PCDHA9: variants seen among roughly 807,000 people sequenced by gnomAD.
The protein encoded by PCDHA9 is protocadherin alpha 9, also known as protocadherin alpha-9.
In PCDHA9, 62 loss-of-function variants were observed where a neutral mutation model predicts 62.0. The ratio of observed to expected loss-of-function variants is 1.00; its 90% CI spans 0.81 to 1.23. The LOEUF is 1.23. Among genes scored for constraint, PCDHA9 ranks in the 50% most tolerant of loss-of-function variants. The probability of loss-of-function intolerance (pLI) is 0.00; values close to 1 mark genes in which losing one functional copy is unlikely to be tolerated. For missense variants in PCDHA9, 1,205 were observed against 1,249.8 expected (o/e 0.96, Z 0.54); for synonymous variants, 557 against 567.6 (o/e 0.98, Z 0.27).
chr5:140,966,864 T>A, intron 1 of PCDHA9: 1 of 1,564,920 alleles, frequency 6.4e-7, no homozygotes. Flanking sequence ...CTGCTGTTGC[T>A]GCTGCTGCTA....
At chr5:140,943,770 A>G (rs1290673049) in intron 1 of PCDHA9, among the ~76,000 whole-genome samples, 16 of 152,384 alleles carry the variant, frequency 1.0e-4, no homozygotes, top group African/African-American at 3.8e-4. Context: ...TAGGAAAAAA[A>G]CTAGGAAGTG....
rs2067929537 is a variant in PCDHA9 at position 140,900,315 on chromosome 5, T to C, written c.2394+49426T>C. Among the ~76,000 whole-genome samples the C allele has an allele frequency of 2.0e-5, 3 of 152,186 alleles. No homozygotes were observed. The East Asian group carries it at 5.8e-4, about 29-fold the overall frequency. On this transcript the variant is annotated intron_variant, in intron 1 of 3. Transcript: ENST00000532602. ...GTTTTTTTAGACAGTCTCACTTTTG[T>C]CGCCCAGGCTGGAGTACCGTGGCGC...
At chr5:140,876,859 T>A in intron 1 of PCDHA9, 1 of 1,614,068 alleles carries the variant, frequency 6.2e-7, no homozygotes, top group Non-Finnish European at 8.5e-7. Flanking sequence ...GTACACAGTG[T>A]TCGTGAAGGA....
Position 140,883,957 on chromosome 5 carries a change from G to A in PCDHA9, c.2394+33068G>A, listed in dbSNP as rs879988838. ...TGCTGGACGAGAACGACAACGCTCC[G>A]GCGCTGCTGACGCCCGGGGCTGGCA... On this transcript the variant is annotated intron_variant, in intron 1 of 3. Coordinates refer to ENST00000532602, the MANE Select transcript of PCDHA9 (RefSeq NM_031857.2). 10 of 1,613,246 alleles carry A rather than the reference G, an allele frequency of 6.2e-6. No individual in the cohort carries two copies. In the East Asian group the frequency reaches 1.3e-4, roughly 22 times the overall value.
chr5:140,882,666 T>G, intron 1 of PCDHA9: 1 of 1,614,160 alleles, frequency 6.2e-7, no homozygotes, highest in Non-Finnish European at 8.5e-7. Flanking sequence ...CCGCCCATAT[T>G]CCCTGAAAGC....
intron 1 of PCDHA9, chr5:140,870,604 C>T (rs376574285): frequency 1.9e-6 from 3 of 1,613,134 alleles, no homozygotes; most frequent in African/African-American, 2.7e-5. Context: ...GTTGGGCGAC[C>T]GCGCGCTGTC....
intron 1 of PCDHA9, chr5:140,968,366 G>A (rs145153557): frequency 7.4e-6 from 12 of 1,614,078 alleles, no homozygotes; most frequent in Non-Finnish European, 1.0e-5. Flanking sequence ...CCTTTATGCT[G>A]TCAACTCCTT....
At chr5:140,902,442 T>G (rs1182491503) in intron 1 of PCDHA9, among the ~76,000 whole-genome samples, 1 of 152,166 alleles carries the variant, frequency 6.6e-6, no homozygotes, top group Non-Finnish European at 1.5e-5. Flanking sequence ...CCTTGTCATA[T>G]TCTAGATCCT....
intron 1 of PCDHA9, among the ~76,000 whole-genome samples, chr5:140,920,866 A>G (rs1584205398): frequency 6.6e-6 from 1 of 151,760 alleles, no homozygotes; most frequent in African/African-American, 2.4e-5. Context: ...AAACAAACAA[A>G]CTGTGGCCCT....
At chr5:140,886,507 G>A (rs2061007189) in intron 1 of PCDHA9, among the ~76,000 whole-genome samples, 1 of 151,788 alleles carries the variant, frequency 6.6e-6, no homozygotes, top group South Asian at 2.1e-4. Context: ...TCCTTTTATG[G>A]ATTTTAAGGT....
Position 141,011,514 on chromosome 5 carries a change from GT to G in PCDHA9, c.*1584del, listed in dbSNP as rs35545269. 2 of 153,738 alleles carry G rather than the reference GT, an allele frequency of 1.3e-5. No homozygotes were observed. The highest frequency in any genetic ancestry group is 1.9e-4 in the East Asian group (1 of 5,186). The allele number at this position is 153,738 out of a possible 1,614,324, so 9.5% of individuals were successfully genotyped here. ...TACACCTGTGAAAAAGTGGAGTAGTGTTTTTTTAACCATTGTTAATCAGCTT... is the reference window on the plus strand; with the variant it reads ...TACACCTGTGAAAAAGTGGAGTAGTGTTTTTTAACCATTGTTAATCAGCTT... On this transcript the variant is annotated 3_prime_UTR_variant, in exon 4 of 4. Coordinates refer to ENST00000532602, the MANE Select transcript of PCDHA9 (RefSeq NM_031857.2).
At chr5:140,916,592 G>A (rs1554197534) in intron 1 of PCDHA9, among the ~76,000 whole-genome samples, 2 of 152,164 alleles carry the variant, frequency 1.3e-5, no homozygotes, top group Non-Finnish European at 2.9e-5. Flanking sequence ...ATGAGCTAGG[G>A]CCTGGAATGC....
chr5:140,871,419 C>T, intron 1 of PCDHA9: 1 of 1,613,732 alleles, frequency 6.2e-7, no homozygotes, highest in South Asian at 1.1e-5. Flanking sequence ...TGGCCTTCAG[C>T]CCCAGTCTTC....
Position 141,010,460 on chromosome 5 carries a change from A to G in PCDHA9, c.*523A>G. ...AGACAAATAAACAGCGGAAGTTATC[A>G]GTATGGAGGGGAAGTGTAAACTTAA... On this transcript the variant is annotated 3_prime_UTR_variant, in exon 4 of 4. Coordinates refer to ENST00000532602, the MANE Select transcript of PCDHA9 (RefSeq NM_031857.2). The G allele has an allele frequency of 1.2e-6, 1 of 835,130 alleles. No individual in the cohort carries two copies. The highest frequency in any genetic ancestry group is 1.8e-6 in the Non-Finnish European group (1 of 562,732). The allele number at this position is 835,130 out of a possible 1,614,324, so 51.7% of individuals were successfully genotyped here.
At chr5:140,863,208 C>A in intron 1 of PCDHA9, 2 of 990,672 alleles carry the variant, frequency 2.0e-6, no homozygotes, top group Non-Finnish European at 3.1e-6. Flanking sequence ...TGGCGGAGAG[C>A]AGCCAAGCGA....
intron 1 of PCDHA9, among the ~76,000 whole-genome samples, chr5:140,926,033 G>A (rs1554203080): frequency 6.6e-6 from 1 of 152,070 alleles, no homozygotes; most frequent in Non-Finnish European, 1.5e-5. Flanking sequence ...AGTTTGATGC[G>A]GACACTATTC....
At chr5:140,904,214 C>T (rs2070953663) in intron 1 of PCDHA9, among the ~76,000 whole-genome samples, 1 of 151,882 alleles carries the variant, frequency 6.6e-6, no homozygotes, top group South Asian at 2.1e-4. Flanking sequence ...TCCCCAAAGT[C>T]CATTGTATTA....
chr5:140,876,154 A>G, intron 1 of PCDHA9: 1 of 1,613,972 alleles, frequency 6.2e-7, no homozygotes, highest in Non-Finnish European at 8.5e-7. Context: ...GTCTGTCCAG[A>G]TTCAAATAAC....
rs562713934 is a variant in PCDHA9, at chr5:140,967,172, G to A, written c.2395-11777G>A. 1.1e-5 allele frequency: 17 copies of A among 1,612,080 alleles called. No individual in the cohort carries two copies. The highest frequency in any genetic ancestry group is 2.2e-5 in the East Asian group (1 of 44,778). On this transcript the variant is annotated intron_variant, in intron 1 of 3. Coordinates refer to ENST00000532602, the MANE Select transcript of PCDHA9 (RefSeq NM_031857.2). ...CCCCGTGGCGGTGAGCGCCGTTGAG[G>A]TGGAAATATTGGACATCAACGACAA...
Sources: allele counts gnomAD v4.1 joint callset (sites outside exome capture counted in the v4.1 genomes callset), GRCh38; gene constraint gnomAD v4.1.1; transcripts MANE v1.5; gene names NCBI Gene and HGNC (gene_info 2026-07-23, HGNC 2026-07-21).